PROX1: variants seen among roughly 807,000 people sequenced by gnomAD.
The protein encoded by PROX1 is prospero homeobox 1.
In PROX1, 7 loss-of-function variants were observed where a neutral mutation model predicts 58.8. The observed-to-expected ratio is 0.12, with a 90% CI of 0.07 to 0.22. The LOEUF is 0.22. PROX1 is among the 10% of genes least tolerant of loss of function. The pLI is 1.00. For missense variants in PROX1, 675 were observed against 927.8 expected, an observed-to-expected ratio of 0.73 and a Z score of 3.54; for synonymous variants, 350 against 358.3, an observed-to-expected ratio of 0.98 and a Z score of 0.26.
At chr1:214,003,879 G>A (rs1663611740) in intron 2 of PROX1, among the ~76,000 whole-genome samples, 1 of 152,142 alleles carries the variant, frequency 6.6e-6, no homozygotes, top group African/African-American at 2.4e-5. Context: ...ACTTGATGAA[G>A]GTCATTTGGA....
At chr1:214,025,958 G>A (rs937246516) in intron 4 of PROX1, among the ~76,000 whole-genome samples, 3 of 152,044 alleles carry the variant, frequency 2.0e-5, no homozygotes, top group Non-Finnish European at 2.9e-5. Context: ...CACCGCACCC[G>A]GCCAATTCCA....
In PROX1 at chr1:214,040,734, C is replaced by A. The variant is rs571349119; in HGVS notation, c.*4900C>A. ...ATTTGAATATAGTACAATAACTGAA[C>A]TGATAAAGTCAATTTTTGATTTTTG... On this transcript the variant is annotated 3_prime_UTR_variant, in exon 5 of 5. Coordinates refer to ENST00000366958, the MANE Select transcript of PROX1 (RefSeq NM_001270616.2). 2.6e-5 allele frequency: 4 copies of A among 152,110 alleles called. No individual in the cohort carries two copies. In the East Asian group the frequency reaches 7.7e-4, roughly 29 times the overall value. The allele number at this position is 152,110 out of a possible 1,614,324, so 9.4% of individuals were successfully genotyped here.
At chr1:213,993,347 A>G (rs1236903718) in intron 1 of PROX1, among the ~76,000 whole-genome samples, 1 of 152,214 alleles carries the variant, frequency 6.6e-6, no homozygotes, top group Non-Finnish European at 1.5e-5. Context: ...TAAAATGCAA[A>G]TATGATATGC....
intron 1 of PROX1, among the ~76,000 whole-genome samples, chr1:213,994,743 G>T (rs1663179090): frequency 9.7e-6 from 1 of 103,352 alleles, no homozygotes; most frequent in South Asian, 3.7e-4. Context: ...TCATTCTCAA[G>T]CATGCAAATA....
At chr1:213,992,758 ACTT>A (rs1443763182) in intron 1 of PROX1, among the ~76,000 whole-genome samples, 1 of 152,158 alleles carries the variant, frequency 6.6e-6, no homozygotes, top group Non-Finnish European at 1.5e-5. Context: ...GTAATGAAAC[ACTT>A]CTTTGTCCAG....
In PROX1 at chr1:213,996,868, C is replaced by T. The variant is rs1352121602; in HGVS notation, c.333C>T (p.Phe111=). ...AAAATGGTGGCACGGAGCCCAGTTT[C>T]CAAGCCAGCGGTCTCTCTAGTACAG... ...MNKNGGTEPS[F]QASGLSSTGS... Residue 111 remains phenylalanine, a synonymous_variant, in exon 2 of 5, where the codon TTC becomes TTT. Transcript: ENST00000366958. The T allele has an allele frequency of 7.4e-6, 12 of 1,614,086 alleles. No individual in the cohort carries two copies. Among genetic ancestry groups the T allele is most frequent in the Non-Finnish European group, 1.0e-5 (12 of 1,180,024 alleles).
intron 3 of PROX1, among the ~76,000 whole-genome samples, chr1:214,010,480 G>T (rs925527719): frequency 1.3e-5 from 2 of 152,064 alleles, no homozygotes; most frequent in East Asian, 1.9e-4. Context: ...GTTGATTTTT[G>T]ATGAATGTAC....
At chr1:214,011,237 G>A (rs969807985) in intron 3 of PROX1, among the ~76,000 whole-genome samples, 1 of 152,166 alleles carries the variant, frequency 6.6e-6, no homozygotes, top group African/African-American at 2.4e-5. Context: ...AAGAACAATG[G>A]TTAAAAATAA....
At chr1:213,984,377 C>T (rs1349536357), upstream of PROX1, 1 of 152,218 alleles carries the variant, frequency 6.6e-6, no homozygotes, top group East Asian at 1.9e-4. Flanking sequence ...TTTCTGCCAG[C>T]ACCCCTGGAT....
chr1:214,000,451 A>G (rs772946838), intron 2 of PROX1, among the ~76,000 whole-genome samples: 2 of 152,224 alleles, frequency 1.3e-5, no homozygotes, highest in African/African-American at 4.8e-5. Flanking sequence ...CCTTTCTTCT[A>G]TCAACATAAC....
upstream of PROX1, chr1:213,986,316 C>T (rs1571787873): frequency 6.6e-6 from 1 of 152,322 alleles, no homozygotes; most frequent in South Asian, 2.1e-4. Context: ...AATCTCTTTT[C>T]TTATCGCCGA....
intron 4 of PROX1, among the ~76,000 whole-genome samples, chr1:214,034,180 C>T (rs1455659358): frequency 6.6e-6 from 1 of 152,086 alleles, no homozygotes. Flanking sequence ...CTTCTTTGTC[C>T]AATTTTAAAC....
chr1:214,027,424 T>C (rs1664498047), intron 4 of PROX1, among the ~76,000 whole-genome samples: 2 of 152,184 alleles, frequency 1.3e-5, no homozygotes, highest in Admixed American at 6.5e-5. Flanking sequence ...CCGAAACTGC[T>C]CCCAAAGCTC....
intron 4 of PROX1, among the ~76,000 whole-genome samples, chr1:214,028,451 G>A (rs925235920): frequency 6.6e-6 from 1 of 152,082 alleles, no homozygotes; most frequent in African/African-American, 2.4e-5. Flanking sequence ...ATTATGAAAT[G>A]GCCAAAATAA....
At chr1:213,995,760 T>A (rs1663239487) in intron 1 of PROX1, among the ~76,000 whole-genome samples, 1 of 152,192 alleles carries the variant, frequency 6.6e-6, no homozygotes, top group Non-Finnish European at 1.5e-5. Context: ...TCAACAGATA[T>A]CATCTTCACC....
intron 1 of PROX1, among the ~76,000 whole-genome samples, chr1:213,991,408 C>T (rs569376088): frequency 1.2e-4 from 19 of 152,204 alleles, no homozygotes; most frequent in South Asian, 4.1e-4. Flanking sequence ...TCAACATTAA[C>T]GTCCCCCCAC....
intron 2 of PROX1, among the ~76,000 whole-genome samples, chr1:214,004,061 A>G (rs1226487369): frequency 6.6e-6 from 1 of 152,170 alleles, no homozygotes; most frequent in Admixed American, 6.5e-5. Flanking sequence ...GAAAATCCTT[A>G]GAGAAGCTTC....
At chr1:213,994,767 AT>A (rs1663184377) in intron 1 of PROX1, among the ~76,000 whole-genome samples, 1 of 27,124 alleles carries the variant, frequency 3.7e-5, no homozygotes, top group Non-Finnish European at 7.5e-5. Context: ...ATATATATAT[AT>A]ATATATATAT....
intron 4 of PROX1, among the ~76,000 whole-genome samples, chr1:214,018,454 A>T (rs961366144): frequency 2.0e-5 from 3 of 152,174 alleles, no homozygotes; most frequent in African/African-American, 7.2e-5. Flanking sequence ...TGTGAAACAA[A>T]CGCATTTTGT....
Sources: gnomAD v4.1 joint callset for allele counts (sites outside exome capture counted in the v4.1 genomes callset) on GRCh38, gnomAD v4.1.1 for gene constraint, MANE v1.5 for transcripts, NCBI Gene and HGNC (gene_info 2026-07-23, HGNC 2026-07-21) for gene names.